Variants in RTN2 observed in about 807,000 individuals in gnomAD.
RTN2 encodes the protein reticulon 2.
RTN2 carries 36 observed loss-of-function variants against 63.7 expected under a neutral mutation model. The ratio of observed to expected loss-of-function variants is 0.56; its 90% CI spans 0.43 to 0.75. RTN2 has a LOEUF of 0.75. RTN2 is among the 30% of genes least tolerant of loss of function. The pLI, the probability that RTN2 is intolerant of heterozygous loss-of-function variation, is 0.00. For synonymous variants in RTN2, 312 were observed against 313.0 expected (o/e 1.00, Z 0.03); for missense variants, 673 against 705.1 (o/e 0.95, Z 0.52).
intron 5 of RTN2, among the ~76,000 whole-genome samples, chr19:45,492,033 C>G (rs1344397275): frequency 1.3e-5 from 2 of 152,162 alleles, no homozygotes; most frequent in Non-Finnish European, 2.9e-5. Context: ...TTCCCAGCAT[C>G]CTGCCCTGCA....
At position 45,485,690 on chromosome 19, in the gene RTN2, C is replaced by A; in HGVS notation, c.*18G>T. The A allele has an allele frequency of 1.2e-6, 2 of 1,607,940 alleles. No homozygotes were observed. Among genetic ancestry groups the A allele is most frequent in the Non-Finnish European group, 1.7e-6 (2 of 1,175,284 alleles). On this transcript the variant is annotated 3_prime_UTR_variant, in exon 11 of 11. Transcript: ENST00000245923. Reference sequence around the variant, plus strand: ...GCGGGGGCTGGGGGCAGGCGTCCTGCGGGCAGAGACACCGTTCTCATTCGG... The same window carrying A: ...GCGGGGGCTGGGGGCAGGCGTCCTGAGGGCAGAGACACCGTTCTCATTCGG...
rs1968218315 is a variant in RTN2, at chr19:45,494,084, C to T, written c.814+82G>A. 6.5e-7 allele frequency: 1 copy of T among 1,547,818 alleles called. No individual in the cohort carries two copies. Among genetic ancestry groups the T allele is most frequent in the East Asian group, 2.2e-5 (1 of 44,492 alleles). Reference sequence around the variant, plus strand: ...TTTTCCACTATGTACTGTTCCTTTGCGAGGTTGGTCCCTTTAATTCAAAAT... The same window carrying T: ...TTTTCCACTATGTACTGTTCCTTTGTGAGGTTGGTCCCTTTAATTCAAAAT... On this transcript the variant is annotated intron_variant, in intron 4 of 10. Coordinates refer to ENST00000245923, the MANE Select transcript of RTN2 (RefSeq NM_005619.5). This position sits in a 1 kb window ranked among gnomAD's most constrained non-coding sequence, Gnocchi z 5.3.
At position 45,494,059 on chromosome 19, in the gene RTN2, T is replaced by C. The variant is rs1001288296; in HGVS notation, c.814+107A>G. The C allele has an allele frequency of 2.7e-5, 39 of 1,467,408 alleles. No individual in the cohort carries two copies. The African/African-American group carries it at 4.9e-4, about 19-fold the overall frequency. The allele number at this position is 1,467,408 out of a possible 1,614,324, so 90.9% of individuals were successfully genotyped here. A position where few individuals can be genotyped will look rare whatever the true frequency, so the allele number is the denominator to read the frequency against. The stretch of plus-strand genomic sequence containing the variant: ...TGTGATATCACGTCTATCTCTTCCC[T>C]TTTCCACTATGTACTGTTCCTTTGC... On this transcript the variant is annotated intron_variant, in intron 4 of 10. Coordinates refer to ENST00000245923, the MANE Select transcript of RTN2 (RefSeq NM_005619.5). This position sits in a 1 kb window ranked among gnomAD's most constrained non-coding sequence, Gnocchi z 5.3.
At chr19:45,490,961 AC>A (rs1398359878) in intron 5 of RTN2, among the ~76,000 whole-genome samples, 2 of 150,320 alleles carry the variant, frequency 1.3e-5, no homozygotes, top group Non-Finnish European at 3.0e-5. Context: ...ATCTCGGCTC[AC>A]TGCAACCTCC....
rs1968216676 is a variant in RTN2, at chr19:45,494,011, G to A, written c.814+155C>T. ...GGCCGGGGAAATTTTTTTAAAAAGC[G>A]GAGTTTATCACGTCTAGCCAGATGT... On this transcript the variant is annotated intron_variant, in intron 4 of 10. Coordinates refer to ENST00000245923, the MANE Select transcript of RTN2 (RefSeq NM_005619.5). This position sits in a 1 kb window ranked among gnomAD's most constrained non-coding sequence, Gnocchi z 5.3. 2.4e-6 allele frequency: 3 copies of A among 1,248,652 alleles called. No homozygotes were observed. Among genetic ancestry groups the A allele is most frequent in the South Asian group, 1.5e-5 (1 of 67,934 alleles). The allele number at this position is 1,248,652 out of a possible 1,614,324, so 77.3% of individuals were successfully genotyped here.
In RTN2 at chr19:45,494,437, A is replaced by T. The variant is rs1968227594; in HGVS notation, c.560-17T>A. The T allele has an allele frequency of 6.2e-7, 1 of 1,606,514 alleles. No homozygotes were observed. The highest frequency in any genetic ancestry group is 8.5e-7 in the Non-Finnish European group (1 of 1,174,562). On this transcript the variant is annotated splice_polypyrimidine_tract_variant and intron_variant, in intron 3 of 10. Coordinates refer to ENST00000245923, the MANE Select transcript of RTN2 (RefSeq NM_005619.5). The surrounding 1 kb of genome is among the most constrained non-coding windows in gnomAD (Gnocchi z 5.3). ...GGTCCAGTTCTGATACGGTAGAGAG[A>T]GGAGGCCGTGAGCTTTCTTCTTGGA...
At chr19:45,489,270 C>T (rs1445070505) in intron 6 of RTN2, 76 bp downstream of exon 6, 20 of 1,364,296 alleles carry the variant, frequency 1.5e-5, no homozygotes, top group East Asian at 2.5e-5. Context: ...GGGTGGGAGT[C>T]GGTGCCTGAT....
At chr19:45,492,854 G>T (rs532462514) in intron 5 of RTN2, among the ~76,000 whole-genome samples, 29 of 152,260 alleles carry the variant, frequency 1.9e-4, no homozygotes, top group Middle Eastern at 3.4e-3. Flanking sequence ...AGGCACGCTG[G>T]GGGGAGGGGG....
chr19:45,492,301 CACA>C (rs1968177070), intron 5 of RTN2, among the ~76,000 whole-genome samples: 2 of 152,138 alleles, frequency 1.3e-5, no homozygotes, highest in African/African-American at 4.8e-5. Context: ...CTCCTGTAAT[CACA>C]ACACTTTGGG....
intron 5 of RTN2, among the ~76,000 whole-genome samples, chr19:45,491,200 T>A (rs578074650): frequency 4.5e-4 from 68 of 151,806 alleles, no homozygotes; most frequent in African/African-American, 1.6e-3. Context: ...ACATTTTTTT[T>A]TTTTTTATTT....
chr19:45,492,891 T>G (rs551466642), intron 5 of RTN2, among the ~76,000 whole-genome samples: 1 of 152,100 alleles, frequency 6.6e-6, no homozygotes, highest in South Asian at 2.1e-4. Context: ...CTGGCCCGTC[T>G]GGCCCCTGAG....
chr19:45,491,532 ATTT>A (rs372135117), intron 5 of RTN2, among the ~76,000 whole-genome samples: 4 of 125,512 alleles, frequency 3.2e-5, no homozygotes, highest in Non-Finnish European at 3.3e-5. Flanking sequence ...GGCCTGGCTA[ATTT>A]TTTTTTTTTT....
At chr19:45,496,658 G>A (rs914191864) in intron 1 of RTN2, 134 bp downstream of exon 1, 11 of 521,078 alleles carry the variant, frequency 2.1e-5, no homozygotes, top group Admixed American at 4.4e-5. Flanking sequence ...GCGGGGGAGG[G>A]GAGAGCTTCC....
chr19:45,493,977 A>C (rs2122225855), intron 4 of RTN2, 189 bp downstream of exon 4: 8 of 869,482 alleles, frequency 9.2e-6, no homozygotes, highest in East Asian at 5.1e-5. Flanking sequence ...GGCATGAGCC[A>C]CCGCGCCCGG....
chr19:45,493,672 A>T (rs1379621619), intron 4 of RTN2, among the ~76,000 whole-genome samples: 1 of 152,052 alleles, frequency 6.6e-6, no homozygotes, highest in Non-Finnish European at 1.5e-5. Flanking sequence ...AGAGAACTGT[A>T]TTTTTTCAGG....
At chr19:45,491,372 T>G (rs1012008701) in intron 5 of RTN2, among the ~76,000 whole-genome samples, 63 of 137,046 alleles carry the variant, frequency 4.6e-4, no homozygotes, top group African/African-American at 1.6e-3. Context: ...TTTTTTTTTT[T>G]TTTTTTTGGA....
rs768986398 is a variant in RTN2, at chr19:45,489,520, G to A, written c.1067C>T (p.Thr356Met). The A allele has an allele frequency of 9.3e-6, 15 of 1,608,126 alleles. No homozygotes were observed. The highest frequency in any genetic ancestry group is 2.2e-5 in the South Asian group (2 of 89,786). Residue 356 changes from threonine (T) to methionine (M), a missense_variant, in exon 6 of 11, where the codon ACG (threonine) becomes ATG (methionine). Physicochemically the swap from Thr to Met is moderately conservative, Grantham distance 81. Coordinates refer to ENST00000245923, the MANE Select transcript of RTN2 (RefSeq NM_005619.5). ...CAGGCCTGTGAAGACCACTCCTGAC[G>A]TCCTCGTGTCCTTCCAGTACAGCAG... ...ADLLYWKDTR[T>M]SGVVFTGLMV... is the part of the protein sequence containing the mutation.
chr19:45,493,099 G>C (rs929040930), intron 5 of RTN2, 61 bp downstream of exon 5: 2 of 1,460,710 alleles, frequency 1.4e-6, no homozygotes, highest in Admixed American at 3.4e-5. Flanking sequence ...AGGAGATAAG[G>C]GCGAGTTTGG....
At chr19:45,489,691 T>G in intron 5 of RTN2, 138 bp from the exon 6 acceptor site, 1 of 648,662 alleles carries the variant, frequency 1.5e-6, no homozygotes, top group East Asian at 3.0e-5. Context: ...TTTTTTTTTT[T>G]TTTTGAGAGA....
Sources: allele counts gnomAD v4.1 joint callset (sites outside exome capture counted in the v4.1 genomes callset), GRCh38; gene constraint gnomAD v4.1.1; non-coding constraint Gnocchi (gnomAD v3.1); transcripts MANE v1.5; gene names NCBI Gene and HGNC (gene_info 2026-07-23, HGNC 2026-07-21).